WDR7: variants seen among roughly 807,000 people sequenced by gnomAD.
The protein encoded by WDR7 is WD repeat domain 7.
A neutral mutation model predicts 169.4 loss-of-function variants in WDR7; 46 were observed. The ratio of observed to expected loss-of-function variants is 0.27; its 90% CI spans 0.21 to 0.35. The LOEUF (loss-of-function observed/expected upper bound fraction) is 0.35. Among genes scored for constraint, WDR7 ranks in the 10% least tolerant of loss-of-function variants. The pLI is 1.00. For missense variants in WDR7, 1,534 were observed against 1,859.3 expected, an observed-to-expected ratio of 0.83 and a Z score of 3.22; for synonymous variants, 612 against 666.8, an observed-to-expected ratio of 0.92 and a Z score of 1.27.
At chr18:56,756,556 A>C in intron 14 of WDR7, 27 bp from the exon 15 acceptor site, 1 of 1,506,968 alleles carries the variant, frequency 6.6e-7, no homozygotes. Context: ...TTTAATTATA[A>C]CTATCTTTTA....
At chr18:56,983,870 C>A (rs1295555969) in intron 26 of WDR7, among the ~76,000 whole-genome samples, 1 of 152,122 alleles carries the variant, frequency 6.6e-6, no homozygotes. Flanking sequence ...TATAAGGGAT[C>A]AGTGATTTGT....
chr18:56,946,999 G>C (rs2047112213), intron 25 of WDR7, among the ~76,000 whole-genome samples: 1 of 152,036 alleles, frequency 6.6e-6, no homozygotes, highest in Non-Finnish European at 1.5e-5. Context: ...TTCACTTTCT[G>C]GGATATTAAT....
Position 56,779,448 on chromosome 18 carries a change from G to A in WDR7, c.2965G>A (p.Ala989Thr). Residue 989 changes from alanine to threonine, a missense_variant, in exon 18 of 28, where the codon GCT becomes ACT. Ala to Thr is a moderately conservative substitution (Grantham distance 58, BLOSUM62 0). Transcript: ENST00000254442. ...TTTGACAGGTTGGAGTCAGTTAGCT[G>A]CTATGCACTGTGTTATGCTGCCAGA... ...LVNEGWSQLA[A>T]MHCVMLPDLL... 6.2e-7 allele frequency: 1 copy of A among 1,612,616 alleles called. No individual in the cohort carries two copies. Among genetic ancestry groups the A allele is most frequent in the Non-Finnish European group, 8.5e-7 (1 of 1,179,312 alleles).
intron 21 of WDR7, among the ~76,000 whole-genome samples, chr18:56,898,606 C>G (rs988168117): frequency 6.6e-6 from 1 of 152,054 alleles, no homozygotes; most frequent in Non-Finnish European, 1.5e-5. Context: ...AAAGGGCATA[C>G]CTTTAATCTA....
In WDR7 at chr18:56,716,797, A is replaced by C. The variant is rs189780575; in HGVS notation, c.1579-1167A>C. Among the ~76,000 whole-genome samples, 100 of 152,336 alleles carry C rather than the reference A, an allele frequency of 6.6e-4. 1 individual carries two copies. Among genetic ancestry groups the C allele is most frequent in the Admixed American group, 5.6e-3 (85 of 15,308 alleles). The stretch of plus-strand genomic sequence containing the variant: ...GAGATAATTACAGTCACAGCATTCT[A>C]AAGGTTCTTGGAAGTTCTGTGGTTA... On this transcript the variant is annotated intron_variant, in intron 12 of 27. Coordinates refer to ENST00000254442, the MANE Select transcript of WDR7 (RefSeq NM_015285.3).
intron 27 of WDR7, among the ~76,000 whole-genome samples, chr18:57,022,730 C>G (rs1288005087): frequency 6.6e-6 from 1 of 152,210 alleles, no homozygotes; most frequent in African/African-American, 2.4e-5. Flanking sequence ...GCCCAGGTCA[C>G]TGATGGGATT....
At chr18:56,928,297 C>G (rs1009675586) in intron 22 of WDR7, among the ~76,000 whole-genome samples, 2 of 151,878 alleles carry the variant, frequency 1.3e-5, no homozygotes, top group Non-Finnish European at 2.9e-5. Context: ...GACCCCGTCT[C>G]TACAAACAAA....
rs771983661 is a variant in WDR7 at position 57,027,044 on chromosome 18, C to T, written c.4310C>T (p.Ser1437Leu). 5 of 1,613,980 alleles carry T rather than the reference C, an allele frequency of 3.1e-6. No individual in the cohort carries two copies. Among genetic ancestry groups the T allele is most frequent in the Admixed American group, 3.3e-5 (2 of 60,002 alleles). Residue 1437 changes from serine to leucine, a missense_variant, in exon 28 of 28, where the codon TCG (serine) becomes TTG (leucine). By Grantham distance (145) the Ser-to-Leu change is moderately radical. Coordinates refer to ENST00000254442, the MANE Select transcript of WDR7 (RefSeq NM_015285.3). Reference protein sequence around the residue: ...SLLGSIGMLNSAPQLRCIKTY... With the variant: ...SLLGSIGMLNLAPQLRCIKTY... ...CTGGGAAGCATCGGCATGCTGAACT[C>T]GGCACCTCAGCTGCGCTGCATTAAA...
At chr18:56,884,927 T>C (rs2046165387) in intron 21 of WDR7, among the ~76,000 whole-genome samples, 1 of 152,214 alleles carries the variant, frequency 6.6e-6, no homozygotes, top group Non-Finnish European at 1.5e-5. Context: ...GGTGCTGGTA[T>C]CCATGGCTGA....
intron 26 of WDR7, among the ~76,000 whole-genome samples, chr18:56,999,848 G>A (rs900703935): frequency 1.3e-5 from 2 of 152,134 alleles, no homozygotes; most frequent in African/African-American, 4.8e-5. Context: ...CCCCCCTAGA[G>A]AACGGACCAC....
At chr18:56,674,237 A>G (rs2025196586) in intron 2 of WDR7, among the ~76,000 whole-genome samples, 1 of 152,126 alleles carries the variant, frequency 6.6e-6, no homozygotes, top group Admixed American at 6.5e-5. Flanking sequence ...TAACTACATC[A>G]TTTTGCATTC....
chr18:56,753,159 G>T (rs1458211466), intron 14 of WDR7: 1 of 152,132 alleles, frequency 6.6e-6, no homozygotes, highest in East Asian at 1.9e-4. Flanking sequence ...ACCAGTTAAG[G>T]GGATTTGTGG....
chr18:56,828,324 C>T (rs777810620), intron 20 of WDR7, among the ~76,000 whole-genome samples: 6 of 152,118 alleles, frequency 3.9e-5, no homozygotes, highest in African/African-American at 7.2e-5. Flanking sequence ...AATTATTTGA[C>T]GAAACAGACA....
At chr18:56,880,873 T>A (rs1341321298) in intron 21 of WDR7, among the ~76,000 whole-genome samples, 1 of 152,198 alleles carries the variant, frequency 6.6e-6, no homozygotes, top group East Asian at 1.9e-4. Context: ...TTCTTCAGTG[T>A]CAGAATTCCT....
chr18:56,759,384 T>A (rs2043947843), intron 16 of WDR7, among the ~76,000 whole-genome samples: 1 of 152,210 alleles, frequency 6.6e-6, no homozygotes, highest in Admixed American at 6.5e-5. Context: ...GTTAAGCTAT[T>A]CTTTTTATCT....
intron 13 of WDR7, among the ~76,000 whole-genome samples, chr18:56,729,727 G>T (rs1249104393): frequency 6.6e-6 from 1 of 152,030 alleles, no homozygotes; most frequent in Non-Finnish European, 1.5e-5. Flanking sequence ...TTTGGATATG[G>T]TATCATTATT....
At chr18:56,695,754 C>T (rs2025688467) in intron 11 of WDR7, among the ~76,000 whole-genome samples, 4 of 152,150 alleles carry the variant, frequency 2.6e-5, no homozygotes, top group Admixed American at 6.5e-5. Context: ...AGGCTGGTCT[C>T]GAACTCCTGA....
chr18:56,982,777 A>G (rs1219663202), intron 26 of WDR7, among the ~76,000 whole-genome samples: 1 of 152,150 alleles, frequency 6.6e-6, no homozygotes, highest in Non-Finnish European at 1.5e-5. Context: ...ATTATTCTTA[A>G]CTTCTGCTCA....
rs550707815 is a variant in WDR7 at position 56,771,843 on chromosome 18, T to C, written c.2849-4939T>C. Among the ~76,000 whole-genome samples the C allele has an allele frequency of 4.0e-5, 6 of 151,456 alleles. No homozygotes were observed. The East Asian group carries it at 1.2e-3, about 29-fold the overall frequency. On this transcript the variant is annotated intron_variant, in intron 16 of 27. Transcript: ENST00000254442. Reference sequence around the variant, plus strand: ...GTTGTGGTGAGCCAAGATCATGCCATTGCACTCCAGCCTGGGCAACAAGAG... The same window carrying C: ...GTTGTGGTGAGCCAAGATCATGCCACTGCACTCCAGCCTGGGCAACAAGAG...
Sources: allele counts gnomAD v4.1 joint callset (sites outside exome capture counted in the v4.1 genomes callset), GRCh38; gene constraint gnomAD v4.1.1; transcripts MANE v1.5; gene names NCBI Gene and HGNC (gene_info 2026-07-23, HGNC 2026-07-21).